The following TSC2 variants were observed in gnomAD, a reference collection of about 807,000 sequenced individuals.
The protein encoded by TSC2 is TSC complex subunit 2.
TSC2 carries 29 observed loss-of-function variants against 202.2 expected under a neutral mutation model. The observed-to-expected ratio is 0.14, with a 90% CI of 0.11 to 0.20. The LOEUF is 0.20. Among genes scored for constraint, TSC2 ranks in the 10% least tolerant of loss-of-function variants. The pLI, the probability that TSC2 is intolerant of heterozygous loss-of-function variation, is 1.00. For synonymous variants in TSC2, 1,349 were observed against 1,044.0 expected, an observed-to-expected ratio of 1.29 and a Z score of -5.63; for missense variants, 2,429 against 2,420.0, an observed-to-expected ratio of 1.00 and a Z score of -0.08.
intron 26 of TSC2, chr16:2,078,689 C>T (rs558791417): frequency 6.9e-5 from 27 of 391,034 alleles, no homozygotes; most frequent in Non-Finnish European, 1.2e-4. Flanking sequence ...GCAATCTGGG[C>T]CTGTCTGTGT....
At chr16:2,061,226 C>G (rs902711819) in intron 11 of TSC2, 1 of 323,746 alleles carries the variant, frequency 3.1e-6, no homozygotes, top group Non-Finnish European at 6.1e-6. Flanking sequence ...GCCACACGGG[C>G]TCATCAGCAT....
rs766888262 is a variant in TSC2 at position 2,080,247 on chromosome 16, T to G, written c.3480T>G (p.Thr1160=). ...LGSATSPGPR[T]APAAKPEKAS... ...GTGCCACTTCTCCAGGACCACGGACTGCACCAGCCGCGAAACCTGAGAAGG... is the reference window on the plus strand; with the variant it reads ...GTGCCACTTCTCCAGGACCACGGACGGCACCAGCCGCGAAACCTGAGAAGG... Residue 1160 remains threonine, a synonymous_variant, in exon 30 of 42, where the codon ACT becomes ACG. Coordinates refer to ENST00000219476, the MANE Select transcript of TSC2 (RefSeq NM_000548.5). 1 of 1,612,968 alleles carries G rather than the reference T, an allele frequency of 6.2e-7. No homozygotes were observed. Among genetic ancestry groups the G allele is most frequent in the Admixed American group, 1.7e-5 (1 of 60,026 alleles).
intron 2 of TSC2, among the ~76,000 whole-genome samples, chr16:2,049,697 G>A (rs1265771870): frequency 4.0e-5 from 6 of 151,410 alleles, no homozygotes; most frequent in East Asian, 2.0e-4. Context: ...ATAGTGGTGG[G>A]CGCCTGTAAT....
At position 2,081,674 on chromosome 16, in the gene TSC2, GCTGT is replaced by G. The variant is rs137853993; in HGVS notation, c.3693_3696del (p.Ser1232ThrfsTer92). On this transcript the variant is annotated frameshift_variant, in exon 31 of 42. Coordinates refer to ENST00000219476, the MANE Select transcript of TSC2 (RefSeq NM_000548.5). LOFTEE classifies it high-confidence loss of function. ...ACATCAACAACATGCCCCTGCAGGA[GCTGT>G]CTAACGCCCTCATGGCGGCTGAGCG... 1.2e-6 allele frequency: 2 copies of G among 1,613,008 alleles called. No individual in the cohort carries two copies. The highest frequency in any genetic ancestry group is 1.7e-6 in the Non-Finnish European group (2 of 1,180,024).
rs760938197 is a variant in TSC2, at chr16:2,082,609, A to G, written c.3883+105A>G. Reference sequence around the variant, plus strand: ...CCACCCCCATGGTCCGTCTGCCTCCATTGCCCTGGGGAGCAGGTCCCGACT... The same window carrying G: ...CCACCCCCATGGTCCGTCTGCCTCCGTTGCCCTGGGGAGCAGGTCCCGACT... On this transcript the variant is annotated intron_variant, in intron 32 of 41. Coordinates refer to ENST00000219476, the MANE Select transcript of TSC2 (RefSeq NM_000548.5). The G allele has an allele frequency of 3.0e-6, 4 of 1,326,964 alleles. No individual in the cohort carries two copies. In the South Asian group the frequency reaches 3.5e-5, roughly 12 times the overall value. 82.2% of individuals were successfully genotyped at this position (1,326,964 alleles called of 1,614,324 possible).
intron 5 of TSC2, 148 bp from the exon 6 acceptor site, chr16:2,055,254 G>T (rs1286834055): frequency 1.3e-6 from 1 of 746,352 alleles, no homozygotes; most frequent in Non-Finnish European, 2.4e-6. Flanking sequence ...TTCGGGCCCA[G>T]TGCGTGGTCT....
chr16:2,053,933 C>A (rs968132305), intron 4 of TSC2: 3 of 442,386 alleles, frequency 6.8e-6, no homozygotes, highest in South Asian at 3.8e-5. Context: ...TCCACTCTCA[C>A]AGGCTCTCCT....
chr16:2,062,622 T>G, intron 13 of TSC2, 22 bp downstream of exon 13: 1 of 1,588,678 alleles, frequency 6.3e-7, no homozygotes, highest in South Asian at 1.1e-5. Flanking sequence ...TCTGTAGCCT[T>G]GCCTGGCACC....
At chr16:2,073,038 T>G in intron 21 of TSC2, 55 bp downstream of exon 21, 1 of 1,611,672 alleles carries the variant, frequency 6.2e-7, no homozygotes, top group Non-Finnish European at 8.5e-7. Flanking sequence ...TTCGAGGGCC[T>G]GGCCCAGGTA....
rs2091250527 is a variant in TSC2 at position 2,088,757 on chromosome 16, T to C, written c.*147T>C. 3 of 1,157,956 alleles carry C rather than the reference T, an allele frequency of 2.6e-6. No individual in the cohort carries two copies. Among genetic ancestry groups the C allele is most frequent in the South Asian group, 3.0e-5 (2 of 65,694 alleles). The allele number at this position is 1,157,956 out of a possible 1,614,324, so 71.7% of individuals were successfully genotyped here. ...GACTTTGTCTGCTTGGTGCGGGGGT[T>C]GGGGGGGTGTCGAGGCTCTAGAAGC... On this transcript the variant is annotated 3_prime_UTR_variant, in exon 42 of 42. Transcript: ENST00000219476.
At chr16:2,083,643 G>A (rs1179813113) in intron 32 of TSC2, 52 bp from the exon 33 acceptor site, 4 of 1,553,840 alleles carry the variant, frequency 2.6e-6, no homozygotes, top group Non-Finnish European at 3.5e-6. Context: ...CCACGTCAGG[G>A]CCAGGGCCTG....
intron 32 of TSC2, chr16:2,082,790 C>T (rs2090300755): frequency 5.5e-6 from 3 of 549,856 alleles, no homozygotes; most frequent in African/African-American, 3.8e-5. Context: ...TCCATGGTGA[C>T]ATCAGCTGAG....
intron 14 of TSC2, 34 bp downstream of exon 14, chr16:2,063,087 G>A: frequency 6.4e-7 from 1 of 1,550,396 alleles, no homozygotes; most frequent in South Asian, 1.2e-5. Context: ...TGGGGGCTCA[G>A]GGCTATTTCT....
chr16:2,076,768 G>A (rs964762448), intron 25 of TSC2, 183 bp downstream of exon 25: 12 of 651,906 alleles, frequency 1.8e-5, no homozygotes, highest in South Asian at 5.4e-5. Context: ...CAGGTTGGCC[G>A]TGGTGGCCTG....
At chr16:2,062,874 A>G in intron 13 of TSC2, 98 bp from the exon 14 acceptor site, 2 of 1,368,710 alleles carry the variant, frequency 1.5e-6, no homozygotes, top group Non-Finnish European at 2.0e-6. Flanking sequence ...TGGCCGCGGG[A>G]GGACCCAGAG....
intron 32 of TSC2, 177 bp from the exon 33 acceptor site, chr16:2,083,518 C>G: frequency 1.8e-6 from 2 of 1,108,584 alleles, no homozygotes; most frequent in Middle Eastern, 2.3e-4. Flanking sequence ...GGGTCACGTG[C>G]AGGCCTTCCC....
rs201633455 is a variant in TSC2 at position 2,071,780 on chromosome 16, G to T, written c.1947-4G>T. On this transcript the variant is annotated splice_polypyrimidine_tract_variant and splice_region_variant and intron_variant, in intron 18 of 41. Transcript: ENST00000219476. Reference sequence around the variant, plus strand: ...GGCCTCAGCTGCTTCTCTTGCTTCTGCAGGGAGCCAGAGAGAGGCTCTGAG... The same window carrying T: ...GGCCTCAGCTGCTTCTCTTGCTTCTTCAGGGAGCCAGAGAGAGGCTCTGAG... The T allele has an allele frequency of 2.5e-6, 4 of 1,605,950 alleles. No individual in the cohort carries two copies. The highest frequency in any genetic ancestry group is 3.4e-6 in the Non-Finnish European group (4 of 1,176,896).
chr16:2,064,006 C>T (rs1009462313), intron 14 of TSC2: 33 of 552,402 alleles, frequency 6.0e-5, no homozygotes, highest in African/African-American at 1.9e-5. Context: ...CTCGGCTGCT[C>T]CTTGTGAGTT....
chr16:2,083,307 G>A (rs1338366194), intron 32 of TSC2: 8 of 457,696 alleles, frequency 1.7e-5, no homozygotes, highest in South Asian at 8.0e-5. Context: ...CTTCCCCCAC[G>A]TCACGGAGTC....
Sources: allele counts gnomAD v4.1 joint callset (sites outside exome capture counted in the v4.1 genomes callset), GRCh38; gene constraint gnomAD v4.1.1; transcripts MANE v1.5; gene names NCBI Gene and HGNC (gene_info 2026-07-23, HGNC 2026-07-21).